The following XKRX variants were observed in gnomAD, a reference collection of about 807,000 sequenced individuals.
XKRX encodes the protein XK-related protein 2.
XKRX carries 11 observed loss-of-function variants against 22.4 expected under a neutral mutation model. That is an observed-to-expected ratio of 0.49 (90% CI 0.31 to 0.81). The LOEUF (loss-of-function observed/expected upper bound fraction) is 0.81, where lower values mean the gene tolerates loss of function less well. Ranked by LOEUF, XKRX falls within the 40% of genes least tolerant of loss-of-function variation. The pLI, the probability that XKRX is intolerant of heterozygous loss-of-function variation, is 0.05. For missense variants in XKRX, 320 were observed against 336.5 expected (o/e 0.95, Z 0.38); for synonymous variants, 114 against 132.2 (o/e 0.86, Z 0.94).
chrX:100,929,870 G>A (rs2085515324), upstream of XKRX, among the ~76,000 whole-genome samples: 1 of 111,856 alleles, frequency 8.9e-6, no homozygotes, highest in African/African-American at 3.3e-5. Flanking sequence ...GTCTTAAAGA[G>A]CTTTGAAAAT....
At chrX:100,935,817 T>C in the XKRX span, among the ~76,000 whole-genome samples, 3 of 112,451 alleles carry the variant, frequency 2.7e-5, no homozygotes, top group Non-Finnish European at 5.6e-5. Flanking sequence ...CATCTTAGTA[T>C]CTGCTCCTTG....
At chrX:100,903,870 A>T in the XKRX span, among the ~76,000 whole-genome samples, 1 of 112,324 alleles carries the variant, frequency 8.9e-6, no homozygotes, top group Non-Finnish European at 1.9e-5. Context: ...GTCCATGTTC[A>T]TGGATAAGAA....
the XKRX span, among the ~76,000 whole-genome samples, chrX:100,945,247 T>TACACAC: frequency 0.012 from 642 of 55,359 alleles, 9 homozygotes; most frequent in African/African-American, 0.026. Context: ...ACCTGGGTGA[T>TACACAC]ACACACACAC....
intron 2 of XKRX, 79 bp from the exon 3 acceptor site, chrX:100,915,162 T>C (rs60113486): frequency 9.5e-7 from 1 of 1,048,147 alleles, no homozygotes; most frequent in Non-Finnish European, 1.3e-6. Flanking sequence ...AACCCAGAGG[T>C]CCAGAGAGAT....
the XKRX span, among the ~76,000 whole-genome samples, chrX:100,936,993 C>CTT: frequency 1.9e-4 from 18 of 95,506 alleles, no homozygotes; most frequent in African/African-American, 3.9e-4. Flanking sequence ...CTAACACAGC[C>CTT]TTTTTTTTTT....
At chrX:100,894,035 G>A in the XKRX span, among the ~76,000 whole-genome samples, 2 of 111,096 alleles carry the variant, frequency 1.8e-5, no homozygotes, top group Admixed American at 9.5e-5. Context: ...TTGGGAGGCC[G>A]AGGCAGGCGG....
the XKRX span, among the ~76,000 whole-genome samples, chrX:100,950,696 A>G: frequency 3.6e-5 from 4 of 112,539 alleles, no homozygotes; most frequent in African/African-American, 1.3e-4. Context: ...GCCATAGAGT[A>G]TATTTTCTGA....
the XKRX span, among the ~76,000 whole-genome samples, chrX:100,940,723 T>G: frequency 9.0e-6 from 1 of 111,611 alleles, no homozygotes; most frequent in African/African-American, 3.3e-5. Context: ...TTTGATGTAG[T>G]AGGTCAAGGT....
At chrX:100,908,139 T>TGTGTGTGTGTGTGTGTGTGTGTGTGTG in the XKRX span, among the ~76,000 whole-genome samples, 2 of 11,781 alleles carry the variant, frequency 1.7e-4, no homozygotes, top group Non-Finnish European at 3.8e-4. Flanking sequence ...GTGTGTGTGT[T>TGTGTGTGTGTGTGTGTGTGTGTGTGTG]TGAAACGGAG....
At chrX:100,915,778 C>T (rs1215172516) in intron 2 of XKRX, among the ~76,000 whole-genome samples, 6 of 108,982 alleles carry the variant, frequency 5.5e-5, no homozygotes, top group African/African-American at 2.0e-4. Flanking sequence ...TCCGTGACAA[C>T]ACAGATGAAC....
At chrX:100,926,502 T>C (rs1208780995) in intron 1 of XKRX, among the ~76,000 whole-genome samples, 1 of 112,068 alleles carries the variant, frequency 8.9e-6, no homozygotes, top group Non-Finnish European at 1.9e-5. Flanking sequence ...AAGGAGTGAG[T>C]TCCATCCTTA....
At chrX:100,949,210 T>C in the XKRX span, among the ~76,000 whole-genome samples, 3 of 111,341 alleles carry the variant, frequency 2.7e-5, no homozygotes, top group Admixed American at 9.6e-5. Context: ...CTTCCATCCA[T>C]TGGCAACAAG....
intron 1 of XKRX, among the ~76,000 whole-genome samples, chrX:100,925,352 C>G (rs2085493622): frequency 8.9e-6 from 1 of 112,150 alleles, no homozygotes; most frequent in Non-Finnish European, 1.9e-5. Flanking sequence ...CTTCATGTGC[C>G]TGATAACACT....
chrX:100,905,454 A>C, the XKRX span, among the ~76,000 whole-genome samples: 63 of 112,113 alleles, frequency 5.6e-4, no homozygotes, highest in South Asian at 2.2e-3. Flanking sequence ...ATACATATTT[A>C]CTTTTTAAAG....
At chrX:100,937,137 C>T in the XKRX span, among the ~76,000 whole-genome samples, 37 of 110,076 alleles carry the variant, frequency 3.4e-4, no homozygotes, top group Non-Finnish European at 4.2e-4. Context: ...ATTATGGGCA[C>T]GTGCCACCAT....
chrX:100,958,069 A>G, the XKRX span, among the ~76,000 whole-genome samples: 2 of 112,239 alleles, frequency 1.8e-5, no homozygotes, highest in African/African-American at 6.5e-5. Context: ...CAATCAATCA[A>G]TCAAGAGAAA....
At chrX:100,930,475 G>T (rs762526975), upstream of XKRX, among the ~76,000 whole-genome samples, 16 of 109,403 alleles carry the variant, frequency 1.5e-4, no homozygotes, top group Non-Finnish European at 2.8e-4. Flanking sequence ...TTTTTTTAAG[G>T]TTTCCATGAT....
At chrX:100,915,154 C>A in intron 2 of XKRX, 71 bp from the exon 3 acceptor site, 2 of 1,090,589 alleles carry the variant, frequency 1.8e-6, no homozygotes, top group Admixed American at 2.8e-5. Flanking sequence ...GTACTTATAA[C>A]CCAGAGGTCC....
At chrX:100,929,676 T>G (rs1178530757), upstream of XKRX, among the ~76,000 whole-genome samples, 2 of 111,211 alleles carry the variant, frequency 1.8e-5, no homozygotes. Context: ...AGACTCAAGG[T>G]CAGCCCACAG....
Sources: allele counts gnomAD v4.1 joint callset (sites outside exome capture counted in the v4.1 genomes callset), GRCh38; gene constraint gnomAD v4.1.1; transcripts MANE v1.5; gene names NCBI Gene and HGNC (gene_info 2026-07-23, HGNC 2026-07-21).